The following AK6 variants were observed in gnomAD, a reference collection of about 807,000 sequenced individuals.
AK6 encodes adenylate kinase isoenzyme 6.
In AK6, 24 loss-of-function variants were observed where a neutral mutation model predicts 23.7. The observed-to-expected ratio is 1.01, with a 90% CI of 0.73 to 1.43. AK6 has a LOEUF of 1.43. Among genes scored for constraint, AK6 ranks in the 40% most tolerant of loss-of-function variants. AK6 has a pLI of 0.00. For missense variants in AK6, 191 were observed against 199.1 expected, an observed-to-expected ratio of 0.96 and a Z score of 0.24; for synonymous variants, 73 against 69.8, an observed-to-expected ratio of 1.05 and a Z score of -0.23.
At chr5:69,369,135 A>G in intron 1 of AK6, 1 of 445,194 alleles carries the variant, frequency 2.2e-6, no homozygotes, top group Non-Finnish European at 3.9e-6. Flanking sequence ...CCTGCCAAAG[A>G]ATCAACAACC....
intron 2 of AK6, among the ~76,000 whole-genome samples, chr5:69,364,539 A>C (rs1240750481): frequency 3.9e-5 from 6 of 152,198 alleles, no homozygotes; most frequent in African/African-American, 1.4e-4. Flanking sequence ...ATACTTCAGC[A>C]ATCTGAGAGA....
intron 2 of AK6, chr5:69,365,010 G>A (rs761785075): frequency 1.4e-5 from 22 of 1,613,862 alleles, no homozygotes; most frequent in Non-Finnish European, 1.9e-5. Context: ...TCTTTTCAAT[G>A]CATTTGATGA....
intron 4 of AK6, among the ~76,000 whole-genome samples, chr5:69,352,559 G>T (rs1761976122): frequency 6.6e-6 from 1 of 151,568 alleles, no homozygotes; most frequent in African/African-American, 2.4e-5. Flanking sequence ...GTAATAAAAA[G>T]ATTTGTAACC....
intron 1 of AK6, chr5:69,369,227 C>A (rs1762708950): frequency 4.2e-5 from 2 of 47,920 alleles, no homozygotes; most frequent in African/African-American, 5.3e-5. Flanking sequence ...CCTCTCTCCA[C>A]CCCCCCCCGC....
intron 2 of AK6, among the ~76,000 whole-genome samples, chr5:69,356,486 G>GAA (rs141748345): frequency 5.4e-5 from 7 of 130,644 alleles, no homozygotes; most frequent in Non-Finnish European, 8.3e-5. Context: ...TGTTTCTACA[G>GAA]AAAAAAAAAA....
Position 69,369,467 on chromosome 5 carries a change from G to A in AK6, c.24C>T (p.Leu8=), listed in dbSNP as rs776525410. Reference sequence around the variant, plus strand: ...CTCCCGGCCGCGCGCCCTGACCGGTGAGCAGGATGTTCGGAAGCAACATGG... The same window carrying A: ...CTCCCGGCCGCGCGCCCTGACCGGTAAGCAGGATGTTCGGAAGCAACATGG... MLLPNIL[L]TGTPGVGKTT... Residue 8 remains leucine (L), a synonymous_variant, in exon 1 of 5, where the codon CTC becomes CTT. Transcript: ENST00000380822. The A allele has an allele frequency of 2.5e-6, 4 of 1,610,930 alleles. No individual in the cohort carries two copies. The highest frequency in any genetic ancestry group is 2.2e-5 in the South Asian group (2 of 90,890).
At position 69,366,855 on chromosome 5, in the gene AK6, T is replaced by C. The variant is rs1392501536; in HGVS notation, c.29-260A>G. ...CTCACTGCAACCTCCACCTCCCAGG[T>C]TCAAGCGATTCTCCTGCCTCAGTCT... is the stretch of plus-strand genomic sequence containing the variant. On this transcript the variant is annotated intron_variant, in intron 1 of 4. Coordinates refer to ENST00000380822, the MANE Select transcript of AK6 (RefSeq NM_016283.5). The C allele has an allele frequency of 7.4e-6, 3 of 404,236 alleles. No homozygotes were observed. In the Admixed American group the frequency reaches 1.1e-4, roughly 15 times the overall value. The allele number at this position is 404,236 out of a possible 1,614,324, so 25.0% of individuals were successfully genotyped here.
chr5:69,366,425 C>T (rs1410243550), intron 2 of AK6, 78 bp downstream of exon 2: 2 of 1,108,454 alleles, frequency 1.8e-6, no homozygotes, highest in Non-Finnish European at 2.7e-6. Context: ...TACCCTATGA[C>T]AATACCCAGC....
chr5:69,367,504 C>CAAAAA (rs34070239), intron 1 of AK6, among the ~76,000 whole-genome samples: 1 of 94,066 alleles, frequency 1.1e-5, no homozygotes, highest in Non-Finnish European at 2.0e-5. Context: ...GACTCCATCT[C>CAAAAA]AAAAAAAAAA....
At chr5:69,360,300 G>A (rs2150733874) in intron 2 of AK6, among the ~76,000 whole-genome samples, 1 of 152,288 alleles carries the variant, frequency 6.6e-6, no homozygotes, top group Non-Finnish European at 1.5e-5. Flanking sequence ...GGTACTGTAG[G>A]GATGTGTAGG....
In AK6 at chr5:69,364,958, G is replaced by A. The variant is rs1013453003; in HGVS notation, c.121+1545C>T. On this transcript the variant is annotated intron_variant, in intron 2 of 4. Coordinates refer to ENST00000380822, the MANE Select transcript of AK6 (RefSeq NM_016283.5). Reference sequence around the variant, plus strand: ...CAAGGCTAGATTACAGATTATCATAGTCATCATCATCATCATCGTCATCAT... The same window carrying A: ...CAAGGCTAGATTACAGATTATCATAATCATCATCATCATCATCGTCATCAT... 5.0e-6 allele frequency: 8 copies of A among 1,610,798 alleles called. No homozygotes were observed. The Admixed American group carries it at 1.0e-4, about 20-fold the overall frequency.
chr5:69,368,795 A>G (rs894579269), intron 1 of AK6: 1 of 152,226 alleles, frequency 6.6e-6, no homozygotes, highest in African/African-American at 2.4e-5. Context: ...GTTATGCAGC[A>G]TTTTAATTCC....
intron 2 of AK6, among the ~76,000 whole-genome samples, chr5:69,357,253 C>A (rs1335026149): frequency 1.3e-5 from 2 of 152,210 alleles, no homozygotes; most frequent in Non-Finnish European, 2.9e-5. Context: ...CATAAACCAC[C>A]TTTCTAGCAC....
intron 2 of AK6, among the ~76,000 whole-genome samples, chr5:69,364,575 C>T (rs1315087862): frequency 6.6e-6 from 1 of 152,156 alleles, no homozygotes; most frequent in African/African-American, 2.4e-5. Flanking sequence ...GACGTACACA[C>T]CAGAGATCAT....
intron 1 of AK6, chr5:69,369,242 C>CCCCCCCCCCCCCCCCCCCCCCA: frequency 7.9e-6 from 2 of 252,652 alleles, no homozygotes; most frequent in Non-Finnish European, 7.4e-6. Flanking sequence ...CCCCGCCCCC[C>CCCCCCCCCCCCCCCCCCCCCCA]CCCGGAGCCT....
chr5:69,355,346 C>T, intron 4 of AK6: 1 of 268,276 alleles, frequency 3.7e-6, no homozygotes, highest in Non-Finnish European at 6.9e-6. Context: ...CCAGTCTGGG[C>T]AACATGGGAG....
Position 69,356,098 on chromosome 5 carries a change from A to C in AK6, c.122-145T>G, listed in dbSNP as rs1308035319. ...TGGATACTAACAAAATAAATGTTAC[A>C]TAAACACCAAATATAAAGGAGCCAT... On this transcript the variant is annotated intron_variant, in intron 2 of 4. Transcript: ENST00000380822. The C allele has an allele frequency of 4.6e-6, 3 of 656,390 alleles. No homozygotes were observed. In the African/African-American group the frequency reaches 5.5e-5, roughly 12 times the overall value. 40.7% of individuals were successfully genotyped at this position (656,390 alleles called of 1,614,324 possible).
chr5:69,354,024 G>A (rs1762018832), intron 4 of AK6, among the ~76,000 whole-genome samples: 1 of 152,098 alleles, frequency 6.6e-6, no homozygotes, highest in Non-Finnish European at 1.5e-5. Flanking sequence ...CCTTGCCTCA[G>A]CCTCCCAAAT....
chr5:69,369,187 G>A (rs953189394), intron 1 of AK6: 3 of 498,716 alleles, frequency 6.0e-6, no homozygotes, highest in Non-Finnish European at 1.0e-5. Context: ...GACTAAGCAG[G>A]TTGCCAAGCT....
Sources: gnomAD v4.1 joint callset for allele counts (sites outside exome capture counted in the v4.1 genomes callset) on GRCh38, gnomAD v4.1.1 for gene constraint, MANE v1.5 for transcripts, NCBI Gene and HGNC (gene_info 2026-07-23, HGNC 2026-07-21) for gene names.